Variants in FAM171A1 observed in about 807,000 individuals in gnomAD.
The protein encoded by FAM171A1 is protein FAM171A1.
A neutral mutation model predicts 74.9 loss-of-function variants in FAM171A1; 23 were observed. The ratio of observed to expected loss-of-function variants is 0.31; its 90% CI spans 0.22 to 0.44. The LOEUF (loss-of-function observed/expected upper bound fraction) is 0.44, where lower values mean the gene tolerates loss of function less well. Among genes scored for constraint, FAM171A1 ranks in the 20% least tolerant of loss-of-function variants. The pLI, the probability that FAM171A1 is intolerant of heterozygous loss-of-function variation, is 1.00. For synonymous variants in FAM171A1, 527 were observed against 505.7 expected (o/e 1.04, Z -0.57); for missense variants, 1,162 against 1,159.2 (o/e 1.00, Z -0.03).
intron 3 of FAM171A1, among the ~76,000 whole-genome samples, chr10:15,258,068 C>CT (rs1554834255): frequency 2.6e-5 from 4 of 151,932 alleles, no homozygotes; most frequent in South Asian, 2.1e-4. Flanking sequence ...TTTTCTTTTT[C>CT]TTTTTTTTCT....
intron 5 of FAM171A1, among the ~76,000 whole-genome samples, chr10:15,247,233 G>A (rs1005199824): frequency 2.6e-5 from 4 of 152,188 alleles, no homozygotes; most frequent in African/African-American, 9.6e-5. Context: ...ATGGAAAGAT[G>A]TTCATGCTGT....
intron 1 of FAM171A1, among the ~76,000 whole-genome samples, chr10:15,304,787 A>T (rs1835274024): frequency 6.6e-6 from 1 of 152,126 alleles, no homozygotes; most frequent in African/African-American, 2.4e-5. Context: ...CCCAGGCTAG[A>T]GTGCACTGGC....
chr10:15,254,639 A>T, intron 4 of FAM171A1, 82 bp downstream of exon 4: 1 of 1,489,196 alleles, frequency 6.7e-7, no homozygotes, highest in Non-Finnish European at 9.1e-7. Context: ...CATAGTGCTA[A>T]AACTCCCAAT....
At chr10:15,298,579 C>T (rs554668445) in intron 1 of FAM171A1, among the ~76,000 whole-genome samples, 4 of 152,022 alleles carry the variant, frequency 2.6e-5, no homozygotes, top group Non-Finnish European at 4.4e-5. Context: ...TGTAACTGTT[C>T]GAAAGAAATA....
chr10:15,356,070 T>A (rs886395216), intron 1 of FAM171A1, among the ~76,000 whole-genome samples: 2 of 152,098 alleles, frequency 1.3e-5, no homozygotes, highest in Non-Finnish European at 2.9e-5. Flanking sequence ...TAAGACATTA[T>A]TGAAAATAAA....
At chr10:15,306,926 C>A (rs568202140) in intron 1 of FAM171A1, among the ~76,000 whole-genome samples, 6 of 152,194 alleles carry the variant, frequency 3.9e-5, no homozygotes, top group Non-Finnish European at 7.3e-5. Context: ...TCCTAGAGCA[C>A]GGCTTTCCAT....
intron 6 of FAM171A1, among the ~76,000 whole-genome samples, chr10:15,216,768 C>T (rs900871326): frequency 4.7e-5 from 7 of 148,802 alleles, no homozygotes; most frequent in Admixed American, 6.8e-5. Flanking sequence ...GAACGCATGA[C>T]GATATAATGA....
chr10:15,278,343 GT>G (rs1248837560), intron 2 of FAM171A1, among the ~76,000 whole-genome samples: 1 of 152,192 alleles, frequency 6.6e-6, no homozygotes, highest in Non-Finnish European at 1.5e-5. Context: ...CAGCCTGGGA[GT>G]TCCTCAAATA....
chr10:15,269,033 G>A (rs1045741037), intron 3 of FAM171A1, among the ~76,000 whole-genome samples: 1 of 103,430 alleles, frequency 9.7e-6, no homozygotes, highest in Non-Finnish European at 2.0e-5. Flanking sequence ...CAGAGACTCT[G>A]TCTCAAACAA....
In FAM171A1 at chr10:15,212,783, G is replaced by T. The variant is rs1833906894; in HGVS notation, c.*132C>A. On this transcript the variant is annotated 3_prime_UTR_variant, in exon 8 of 8. Coordinates refer to ENST00000378116, the MANE Select transcript of FAM171A1 (RefSeq NM_001010924.2). Reference sequence around the variant, plus strand: ...TTTCTAACATTTACACGGCAAACAGGAATGCAGTAAACGTCCACGTCCGTC... The same window carrying T: ...TTTCTAACATTTACACGGCAAACAGTAATGCAGTAAACGTCCACGTCCGTC... 2.1e-5 allele frequency: 24 copies of T among 1,123,236 alleles called. No homozygotes were observed. In the South Asian group the frequency reaches 3.4e-4, roughly 16 times the overall value. 69.6% of individuals were successfully genotyped at this position (1,123,236 alleles called of 1,614,324 possible). A position where few individuals can be genotyped will look rare whatever the true frequency, so the allele number is the denominator to read the frequency against.
At chr10:15,300,376 C>T (rs1835213197) in intron 1 of FAM171A1, among the ~76,000 whole-genome samples, 1 of 152,120 alleles carries the variant, frequency 6.6e-6, no homozygotes, top group Admixed American at 6.6e-5. Context: ...TTCACAGCCT[C>T]CTTGACCTGT....
Position 15,328,191 on chromosome 10 carries a change from C to T in FAM171A1, c.97+42765G>A, listed in dbSNP as rs560662268. ...TGGAGTTTCGCTCTTGTCGCCCAGGCTGGAGTGCAATGGTGCGATCTCAGC... is the reference window on the plus strand; with the variant it reads ...TGGAGTTTCGCTCTTGTCGCCCAGGTTGGAGTGCAATGGTGCGATCTCAGC... On this transcript the variant is annotated intron_variant, in intron 1 of 7. Transcript: ENST00000378116. Among the ~76,000 whole-genome samples, 4 of 152,154 alleles carry T rather than the reference C, an allele frequency of 2.6e-5. No homozygotes were observed. In the East Asian group the frequency reaches 7.7e-4, roughly 29 times the overall value.
In FAM171A1 at chr10:15,280,508, G is replaced by C. The variant is rs148361505; in HGVS notation, c.325+3370C>G. Among the ~76,000 whole-genome samples, 76 of 152,222 alleles carry C rather than the reference G, an allele frequency of 5.0e-4. 2 individuals carry two copies. In the East Asian group the frequency reaches 0.012, roughly 25 times the overall value. ...GATGGACTGCATCTCCTATGGCTAA[G>C]TTTATTCTTACCTGCCTGCCACGGG... On this transcript the variant is annotated intron_variant, in intron 2 of 7. Transcript: ENST00000378116.
At chr10:15,299,989 A>AAAC (rs1835209524) in intron 1 of FAM171A1, among the ~76,000 whole-genome samples, 1 of 110,686 alleles carries the variant, frequency 9.0e-6, no homozygotes, top group African/African-American at 3.3e-5. Flanking sequence ...AACAAACAAA[A>AAAC]AAGGGCAAAA....
At chr10:15,335,154 G>A (rs1835685780) in intron 1 of FAM171A1, among the ~76,000 whole-genome samples, 2 of 152,168 alleles carry the variant, frequency 1.3e-5, no homozygotes, top group African/African-American at 2.4e-5. Flanking sequence ...TGAGGCAGGA[G>A]GATTGCTTGA....
At chr10:15,368,499 T>G (rs575748650) in intron 1 of FAM171A1, among the ~76,000 whole-genome samples, 1 of 152,236 alleles carries the variant, frequency 6.6e-6, no homozygotes, top group African/African-American at 2.4e-5. Context: ...CAAAGAATGA[T>G]TCAAACAACA....
intron 2 of FAM171A1, among the ~76,000 whole-genome samples, chr10:15,280,489 C>T (rs183601430): frequency 2.6e-4 from 39 of 152,252 alleles, no homozygotes; most frequent in African/African-American, 8.7e-4. Context: ...AGTGGATGGA[C>T]TGCATCTCCT....
intron 3 of FAM171A1, among the ~76,000 whole-genome samples, chr10:15,269,994 G>C (rs756445556): frequency 6.6e-6 from 1 of 152,194 alleles, no homozygotes; most frequent in Non-Finnish European, 1.5e-5. Context: ...GAAGACGGGT[G>C]ATTTCTGCAT....
chr10:15,243,575 T>C (rs1834390521), intron 5 of FAM171A1, among the ~76,000 whole-genome samples: 1 of 152,074 alleles, frequency 6.6e-6, no homozygotes, highest in Non-Finnish European at 1.5e-5. Flanking sequence ...AAGGCTTCCT[T>C]ATATTAGGAG....
Sources: allele counts gnomAD v4.1 joint callset (sites outside exome capture counted in the v4.1 genomes callset), GRCh38; gene constraint gnomAD v4.1.1; transcripts MANE v1.5; gene names NCBI Gene and HGNC (gene_info 2026-07-23, HGNC 2026-07-21).